Variants in OTULINL observed in about 807,000 individuals in gnomAD.
OTULINL encodes OTU deubiquitinase with linear linkage specificity like, also known as inactive ubiquitin thioesterase OTULINL.
Under a neutral mutation model 43.9 loss-of-function variants are expected in OTULINL, and 42 were observed. The observed-to-expected ratio is 0.96, with a 90% CI of 0.75 to 1.24. OTULINL has a LOEUF of 1.24. Ranked by LOEUF, OTULINL falls within the 50% of genes most tolerant of loss-of-function variation. The probability of loss-of-function intolerance (pLI) is 0.00; values close to 1 mark genes in which losing one functional copy is unlikely to be tolerated. For missense variants in OTULINL, 411 were observed against 426.4 expected, an observed-to-expected ratio of 0.96 and a Z score of 0.32; for synonymous variants, 172 against 153.6, an observed-to-expected ratio of 1.12 and a Z score of -0.88.
Position 14,581,925 on chromosome 5 carries a change from AGGGAGC to A in OTULINL, c.40_45del (p.Glu14_Arg15del), listed in dbSNP as rs1240273699. ...GGCGACAAGGAGCCCCACGCGGGCAAGGGAGCGGGAGCGGTCTGGCGCTCCCGCCGC... is the reference window on the plus strand; with the variant it reads ...GGCGACAAGGAGCCCCACGCGGGCAAGGGAGCGGTCTGGCGCTCCCGCCGC... On this transcript the variant is annotated inframe_deletion, in exon 1 of 8. Coordinates refer to ENST00000274217, the MANE Select transcript of OTULINL (RefSeq NM_019018.3). The A allele has an allele frequency of 4.1e-5, 58 of 1,401,034 alleles. No homozygotes were observed. The highest frequency in any genetic ancestry group is 4.5e-5 in the Non-Finnish European group (49 of 1,077,750). 86.8% of individuals were successfully genotyped at this position (1,401,034 alleles called of 1,614,324 possible). A position where few individuals can be genotyped will look rare whatever the true frequency, so the allele number is the denominator to read the frequency against.
At chr5:14,609,071 T>C in intron 7 of OTULINL, 54 bp downstream of exon 7, 1 of 1,560,252 alleles carries the variant, frequency 6.4e-7, no homozygotes, top group Non-Finnish European at 8.7e-7. Context: ...GTGGCACTAT[T>C]TGAACACAGA....
intron 1 of OTULINL, among the ~76,000 whole-genome samples, chr5:14,583,526 C>T (rs116377630): frequency 0.011 from 1,734 of 152,236 alleles, 35 homozygotes; most frequent in African/African-American, 0.039. Flanking sequence ...GTGCCTTCTC[C>T]AGGCTTAACA....
At chr5:14,594,699 T>A (rs888550344) in intron 1 of OTULINL, among the ~76,000 whole-genome samples, 7 of 152,222 alleles carry the variant, frequency 4.6e-5, no homozygotes, top group Admixed American at 3.3e-4. Flanking sequence ...TTGGCTTCAG[T>A]TTATTCCTCT....
chr5:14,586,183 CTG>C (rs1455906495), intron 1 of OTULINL, among the ~76,000 whole-genome samples: 1 of 152,176 alleles, frequency 6.6e-6, no homozygotes, highest in Non-Finnish European at 1.5e-5. Context: ...GTAAGACAAT[CTG>C]TTTTCAAAAT....
At chr5:14,589,748 C>T (rs142551494) in intron 1 of OTULINL, among the ~76,000 whole-genome samples, 68 of 152,146 alleles carry the variant, frequency 4.5e-4, no homozygotes, top group Admixed American at 1.0e-3. Flanking sequence ...GTCAGGGGTT[C>T]GAGACCAGCC....
chr5:14,609,062 T>C (rs1397135597), intron 7 of OTULINL, 45 bp downstream of exon 7: 1 of 1,573,272 alleles, frequency 6.4e-7, no homozygotes, highest in Non-Finnish European at 8.6e-7. Flanking sequence ...AAGGATGCTG[T>C]GGCACTATTT....
intron 1 of OTULINL, among the ~76,000 whole-genome samples, chr5:14,591,375 T>C (rs920520151): frequency 2.0e-5 from 3 of 152,100 alleles, no homozygotes; most frequent in Non-Finnish European, 4.4e-5. Flanking sequence ...GTGTGGCCAG[T>C]TGGGCTTGCT....
At chr5:14,596,129 C>T (rs1759283223) in intron 1 of OTULINL, among the ~76,000 whole-genome samples, 1 of 152,176 alleles carries the variant, frequency 6.6e-6, no homozygotes, top group Admixed American at 6.5e-5. Flanking sequence ...CTGGAAGTCC[C>T]CTTGTGGACT....
chr5:14,608,121 G>A (rs1357735878), intron 6 of OTULINL, among the ~76,000 whole-genome samples: 2 of 152,150 alleles, frequency 1.3e-5, no homozygotes, highest in African/African-American at 2.4e-5. Context: ...ATCCTAAGCA[G>A]TTTTGGAAAA....
intron 5 of OTULINL, among the ~76,000 whole-genome samples, chr5:14,605,648 G>A (rs914632875): frequency 3.9e-5 from 6 of 152,132 alleles, no homozygotes; most frequent in Non-Finnish European, 8.8e-5. Context: ...AGTCACTTCT[G>A]AATGCTTTGC....
rs1300796106 is a variant in OTULINL at position 14,581,938 on chromosome 5, G to A, written c.44G>A (p.Arg15Gln). Residue 15 changes from arginine (R) to glutamine (Q), a missense_variant, in exon 1 of 8, where the codon CGG becomes CAG. Arg to Gln is a conservative substitution (Grantham distance 43, BLOSUM62 1). Coordinates refer to ENST00000274217, the MANE Select transcript of OTULINL (RefSeq NM_019018.3). ...RSPTRARERE[R>Q]SGAPAAGSDQ... ...CCCACGCGGGCAAGGGAGCGGGAGC[G>A]GTCTGGCGCTCCCGCCGCAGGTGAG... The A allele has an allele frequency of 2.9e-6, 4 of 1,374,928 alleles. No individual in the cohort carries two copies. Among genetic ancestry groups the A allele is most frequent in the Non-Finnish European group, 3.8e-6 (4 of 1,065,252 alleles). 85.2% of individuals were successfully genotyped at this position (1,374,928 alleles called of 1,614,324 possible). A position where few individuals can be genotyped will look rare whatever the true frequency, so the allele number is the denominator to read the frequency against.
chr5:14,601,136 T>A lies in OTULINL; in HGVS notation c.224+12T>A, dbSNP rs982997641. On this transcript the variant is annotated intron_variant, in intron 2 of 7. Transcript: ENST00000274217. ...CACAAGCTGAAATGGTAGGTCACTG[T>A]ATCATCCTTAAATTTCAAATGTATC... is the stretch of plus-strand genomic sequence containing the variant. 23 of 1,611,610 alleles carry A rather than the reference T, an allele frequency of 1.4e-5. No homozygotes were observed. The highest frequency in any genetic ancestry group is 1.9e-5 in the Non-Finnish European group (22 of 1,179,084).
chr5:14,586,955 G>A (rs956143981), intron 1 of OTULINL, among the ~76,000 whole-genome samples: 2 of 152,104 alleles, frequency 1.3e-5, no homozygotes, highest in African/African-American at 4.8e-5. Context: ...CTAGGCTTGG[G>A]ACAGCCTCGG....
chr5:14,614,816 G>C lies in OTULINL; in HGVS notation c.*4502G>C. 1 of 398,356 alleles carries C rather than the reference G, an allele frequency of 2.5e-6. No homozygotes were observed. The highest frequency in any genetic ancestry group is 4.4e-6 in the Non-Finnish European group (1 of 226,026). The allele number at this position is 398,356 out of a possible 1,614,324, so 24.7% of individuals were successfully genotyped here. ...AAGTTATAATCCTAGCTGGTGTCTC[G>C]TTCTGTTTAAAAAAATCAAATTTCT... On this transcript the variant is annotated 3_prime_UTR_variant, in exon 8 of 8. Transcript: ENST00000274217.
intron 1 of OTULINL, 86 bp from the exon 2 acceptor site, chr5:14,600,879 A>C: frequency 5.5e-3 from 4,184 of 761,448 alleles, no homozygotes; most frequent in Non-Finnish European, 6.9e-3. Flanking sequence ...AAATTATGCA[A>C]TCTCTCTCTG....
In OTULINL at chr5:14,601,444, T is replaced by G; in HGVS notation, c.348+2T>G. 1 of 1,612,568 alleles carries G rather than the reference T, an allele frequency of 6.2e-7. No individual in the cohort carries two copies. The highest frequency in any genetic ancestry group is 1.7e-5 in the Admixed American group (1 of 59,920). On this transcript the variant is annotated splice_donor_variant, in intron 4 of 7. Transcript: ENST00000274217. LOFTEE classifies it high-confidence loss of function. ...CCCCGTAACAAGCTGATGAGGAAGG[T>G]GTGTCTGTTTTTAGAGGGTATGGGA...
rs1759147042 is a variant in OTULINL at position 14,588,587 on chromosome 5, A to G, written c.64+6629A>G. Among the ~76,000 whole-genome samples, 6 of 152,318 alleles carry G rather than the reference A, an allele frequency of 3.9e-5. No homozygotes were observed. In the South Asian group the frequency reaches 1.2e-3, roughly 32 times the overall value. ...TAGCATAAGTGTGGTGGAGTAACAG[A>G]ACAGCCCCAAATAGGTGAATACATT... On this transcript the variant is annotated intron_variant, in intron 1 of 7. Transcript: ENST00000274217.
At chr5:14,607,886 A>G (rs1759509715) in intron 6 of OTULINL, among the ~76,000 whole-genome samples, 1 of 152,190 alleles carries the variant, frequency 6.6e-6, no homozygotes, top group Non-Finnish European at 1.5e-5. Context: ...GGATGATTGA[A>G]ATGAATCCTG....
At chr5:14,589,359 A>G (rs1759159104) in intron 1 of OTULINL, among the ~76,000 whole-genome samples, 1 of 152,090 alleles carries the variant, frequency 6.6e-6, no homozygotes, top group Non-Finnish European at 1.5e-5. Flanking sequence ...AATGTTTCAG[A>G]CAGAGGGAAG....
Sources: allele counts gnomAD v4.1 joint callset (sites outside exome capture counted in the v4.1 genomes callset), GRCh38; gene constraint gnomAD v4.1.1; transcripts MANE v1.5; gene names NCBI Gene and HGNC (gene_info 2026-07-23, HGNC 2026-07-21).